The following MCPH1 variants were observed in gnomAD, a reference collection of about 807,000 sequenced individuals.
MCPH1 encodes the protein microcephalin.
Under a neutral mutation model 84.5 loss-of-function variants are expected in MCPH1, and 104 were observed. That is an observed-to-expected ratio of 1.23 (90% CI 1.05 to 1.45). The LOEUF is 1.45. MCPH1 is among the 40% of genes most tolerant of loss of function. The pLI is 0.00. For missense variants in MCPH1, 1,498 were observed against 1,005.7 expected, an observed-to-expected ratio of 1.49 and a Z score of -6.62; for synonymous variants, 514 against 366.8, an observed-to-expected ratio of 1.40 and a Z score of -4.58.
At position 6,480,147 on chromosome 8, in the gene MCPH1, G is replaced by A. The variant is rs564394353; in HGVS notation, c.1974-567G>A. Among the ~76,000 whole-genome samples the A allele has an allele frequency of 8.8e-4, 128 of 145,118 alleles. 1 individual carries two copies. The highest frequency in any genetic ancestry group is 7.2e-3 in the Middle Eastern group (2 of 276). ...TTTTTTCTTTTTTTTTTTTTGAGAC[G>A]GAGTCTCTCCCTGTCGCCCAGGCTG... is the stretch of plus-strand genomic sequence containing the variant. On this transcript the variant is annotated intron_variant, in intron 10 of 13. Transcript: ENST00000344683.
chr8:6,425,903 C>T (rs1458888734), intron 3 of MCPH1, among the ~76,000 whole-genome samples: 14 of 152,128 alleles, frequency 9.2e-5, no homozygotes. Flanking sequence ...TCTAGGGTCT[C>T]CTCTACGTCT....
intron 12 of MCPH1, among the ~76,000 whole-genome samples, chr8:6,610,415 C>T (rs1033388164): frequency 6.6e-6 from 1 of 152,234 alleles, no homozygotes; most frequent in Non-Finnish European, 1.5e-5. Flanking sequence ...TACCTTAAAT[C>T]TCACTACTTG....
chr8:6,629,294 C>G (rs1289173389), intron 13 of MCPH1, among the ~76,000 whole-genome samples: 1 of 152,120 alleles, frequency 6.6e-6, no homozygotes, highest in Non-Finnish European at 1.5e-5. Context: ...GAAACCCCGT[C>G]TCTACTAAAA....
Position 6,643,460 on chromosome 8 carries a change from T to G in MCPH1, c.*411T>G. The G allele has an allele frequency of 4.0e-6, 1 of 247,738 alleles. No individual in the cohort carries two copies. The highest frequency in any genetic ancestry group is 5.0e-5 in the South Asian group (1 of 20,146). 15.3% of individuals were successfully genotyped at this position (247,738 alleles called of 1,614,324 possible). On this transcript the variant is annotated 3_prime_UTR_variant, in exon 14 of 14. Transcript: ENST00000344683. ...TTGTAGTTTTAGTAGAGACAGGGTT[T>G]CGCCATGTTGGCCAGGCTGGTCTCA...
intron 11 of MCPH1, among the ~76,000 whole-genome samples, chr8:6,484,228 C>G (rs577121549): frequency 6.6e-6 from 1 of 152,072 alleles, no homozygotes; most frequent in Non-Finnish European, 1.5e-5. Context: ...CAGAACAGCT[C>G]AAACAAAAAA....
intron 12 of MCPH1, among the ~76,000 whole-genome samples, chr8:6,605,860 A>G (rs142661350): frequency 5.3e-5 from 8 of 152,056 alleles, no homozygotes; most frequent in East Asian, 1.9e-4. Flanking sequence ...ACCATGCCCA[A>G]CTAATTTTTG....
At chr8:6,533,120 T>C (rs1333265913) in intron 12 of MCPH1, among the ~76,000 whole-genome samples, 4 of 152,248 alleles carry the variant, frequency 2.6e-5, no homozygotes, top group African/African-American at 9.6e-5. Context: ...TTCACAATTT[T>C]GTCATTTCAT....
chr8:6,547,188 C>G (rs1822755444), intron 12 of MCPH1, among the ~76,000 whole-genome samples: 1 of 151,910 alleles, frequency 6.6e-6, no homozygotes, highest in South Asian at 2.1e-4. Flanking sequence ...CTAAGGTGAA[C>G]TAGTTTTATA....
chr8:6,497,746 A>G (rs1479938328), intron 11 of MCPH1, among the ~76,000 whole-genome samples: 2 of 152,194 alleles, frequency 1.3e-5, no homozygotes, highest in Non-Finnish European at 2.9e-5. Flanking sequence ...CCTTCCTCTT[A>G]ATTTTGCTAT....
At chr8:6,423,220 C>A (rs531212120) in intron 3 of MCPH1, among the ~76,000 whole-genome samples, 11 of 127,582 alleles carry the variant, frequency 8.6e-5, no homozygotes, top group Non-Finnish European at 1.6e-4. Flanking sequence ...AACTGAGTCT[C>A]GCTCTGTCGC....
At chr8:6,430,305 C>T (rs902699358) in intron 3 of MCPH1, among the ~76,000 whole-genome samples, 16 of 152,310 alleles carry the variant, frequency 1.1e-4, no homozygotes, top group African/African-American at 3.8e-4. Context: ...ATATCTGCCT[C>T]TGCATTCAGT....
chr8:6,599,343 C>G (rs1046651723), intron 12 of MCPH1, among the ~76,000 whole-genome samples: 2 of 152,196 alleles, frequency 1.3e-5, no homozygotes, highest in African/African-American at 2.4e-5. Flanking sequence ...CGGAGTTAGT[C>G]AGGGACTGCA....
chr8:6,424,792 C>G (rs561394690), intron 3 of MCPH1, among the ~76,000 whole-genome samples: 13 of 152,244 alleles, frequency 8.5e-5, no homozygotes, highest in Non-Finnish European at 1.8e-4. Context: ...TCGCTCTCTG[C>G]TGGCAGAGCA....
At chr8:6,636,172 C>G (rs183018138) in intron 13 of MCPH1, among the ~76,000 whole-genome samples, 113 of 152,156 alleles carry the variant, frequency 7.4e-4, no homozygotes, top group African/African-American at 2.6e-3. Context: ...AACCCCATCT[C>G]TACTAAAAAT....
intron 12 of MCPH1, among the ~76,000 whole-genome samples, chr8:6,598,130 G>C (rs1196812825): frequency 6.6e-6 from 1 of 152,204 alleles, no homozygotes; most frequent in East Asian, 1.9e-4. Context: ...TTAGCTCTGA[G>C]GCAGGAAGGA....
At chr8:6,442,993 C>T (rs952589365) in intron 7 of MCPH1, among the ~76,000 whole-genome samples, 1 of 152,212 alleles carries the variant, frequency 6.6e-6, no homozygotes, top group Non-Finnish European at 1.5e-5. Context: ...ACACTTGTTA[C>T]ATTTATTTCC....
intron 13 of MCPH1, chr8:6,642,677 C>G (rs1443679510): frequency 6.8e-6 from 3 of 440,518 alleles, no homozygotes; most frequent in African/African-American, 6.0e-5. Context: ...TCCTATGTCA[C>G]AGACTGGCAA....
chr8:6,499,873 G>C lies in MCPH1; in HGVS notation c.2158G>C (p.Gly720Arg). ...YDWVLWSLEL[G>R]HWISEEPFEL... ...GCAGGTGCTATGGTCTTTAGAATTG[G>C]GTCACTGGATTTCTGAGGAGCCGTT... Residue 720 changes from glycine to arginine, a missense_variant, in exon 12 of 14, where the codon GGT becomes CGT. Transcript: ENST00000344683. 1 of 1,613,306 alleles carries C rather than the reference G, an allele frequency of 6.2e-7. No individual in the cohort carries two copies. The highest frequency in any genetic ancestry group is 8.5e-7 in the Non-Finnish European group (1 of 1,179,966).
At chr8:6,581,529 G>C (rs1415597809) in intron 12 of MCPH1, among the ~76,000 whole-genome samples, 2 of 152,110 alleles carry the variant, frequency 1.3e-5, no homozygotes, top group Admixed American at 6.5e-5. Context: ...TAAACATCAG[G>C]ATCTCATGTA....
Sources: gnomAD v4.1 joint callset for allele counts (sites outside exome capture counted in the v4.1 genomes callset) on GRCh38, gnomAD v4.1.1 for gene constraint, MANE v1.5 for transcripts, NCBI Gene and HGNC (gene_info 2026-07-23, HGNC 2026-07-21) for gene names.